SND1: variants seen among roughly 807,000 people sequenced by gnomAD.
SND1 encodes the protein staphylococcal nuclease domain-containing protein 1.
In SND1, 38 loss-of-function variants were observed where a neutral mutation model predicts 121.7. The observed-to-expected ratio is 0.31, with a 90% CI of 0.24 to 0.41. The LOEUF is 0.41. Among genes scored for constraint, SND1 ranks in the 10% least tolerant of loss-of-function variants. The pLI is 1.00. For missense variants in SND1, 868 were observed against 1,184.6 expected, an observed-to-expected ratio of 0.73 and a Z score of 3.92; for synonymous variants, 401 against 447.4, an observed-to-expected ratio of 0.90 and a Z score of 1.31.
At position 128,029,634 on chromosome 7, in the gene SND1, C is replaced by T. The variant is rs146038152; in HGVS notation, c.1779+38578C>T. ...GTCCACCTCCACGAGGTAGCGGCCT[C>T]GCATGTGCATGGGAGCATGACAGCG... On this transcript the variant is annotated intron_variant, in intron 16 of 23. Coordinates refer to ENST00000354725, the MANE Select transcript of SND1 (RefSeq NM_014390.4). The surrounding 1 kb of genome is among the most constrained non-coding windows in gnomAD (Gnocchi z 4.2). The T allele has an allele frequency of 7.4e-6, 12 of 1,613,850 alleles. No homozygotes were observed. The highest frequency in any genetic ancestry group is 2.2e-5 in the East Asian group (1 of 44,890).
chr7:127,827,420 T>C (rs1798661836), intron 11 of SND1, among the ~76,000 whole-genome samples: 1 of 152,250 alleles, frequency 6.6e-6, no homozygotes, highest in Non-Finnish European at 1.5e-5. Context: ...ATTATGACTT[T>C]GCAATTTATA....
chr7:127,903,270 C>T (rs952299546), intron 13 of SND1, among the ~76,000 whole-genome samples: 9 of 152,136 alleles, frequency 5.9e-5, no homozygotes, highest in South Asian at 2.1e-4. Context: ...GTGATCTGCC[C>T]GCCTTGGCTT....
chr7:127,921,840 G>A (rs911486468), intron 14 of SND1, among the ~76,000 whole-genome samples: 6 of 152,128 alleles, frequency 3.9e-5, no homozygotes, highest in Admixed American at 2.0e-4. Context: ...AGATTCATAC[G>A]TGTTGTTGCC....
chr7:127,780,036 G>C (rs76312063), intron 10 of SND1, among the ~76,000 whole-genome samples: 3,457 of 152,232 alleles, frequency 0.023, 141 homozygotes, highest in African/African-American at 0.079. Flanking sequence ...TTTGAAGGTA[G>C]GATTCAGGTT....
At chr7:127,692,882 C>T (rs1795946297) in intron 2 of SND1, among the ~76,000 whole-genome samples, 1 of 152,198 alleles carries the variant, frequency 6.6e-6, no homozygotes, top group Non-Finnish European at 1.5e-5. Flanking sequence ...TTCAGCGAGC[C>T]TTAAAAGTTT....
At chr7:127,665,549 T>G (rs1795401707) in intron 1 of SND1, among the ~76,000 whole-genome samples, 1 of 152,138 alleles carries the variant, frequency 6.6e-6, no homozygotes, top group African/African-American at 2.4e-5. Context: ...AATTTCACTA[T>G]TGAAAATGGA....
rs891447489 is a variant in SND1 at position 128,075,662 on chromosome 7, T to A, written c.1968+972T>A. On this transcript the variant is annotated intron_variant, in intron 17 of 23. Transcript: ENST00000354725. ...TTGGGGCAGGCAACCAGCCCCTTGGTGGTAGAGGAGAGTGGAGGTGGAAAG... is the reference window on the plus strand; with the variant it reads ...TTGGGGCAGGCAACCAGCCCCTTGGAGGTAGAGGAGAGTGGAGGTGGAAAG... Among the ~76,000 whole-genome samples, 5 of 152,158 alleles carry A rather than the reference T, an allele frequency of 3.3e-5. No individual in the cohort carries two copies. In the South Asian group the frequency reaches 1.0e-3, roughly 32 times the overall value.
chr7:127,969,864 C>G (rs966300893), intron 15 of SND1, among the ~76,000 whole-genome samples: 2 of 152,186 alleles, frequency 1.3e-5, no homozygotes, highest in African/African-American at 4.8e-5. Flanking sequence ...CTGGATATGC[C>G]CTTTATAATC....
chr7:127,874,456 G>A (rs1799654907), intron 12 of SND1, among the ~76,000 whole-genome samples: 1 of 152,152 alleles, frequency 6.6e-6, no homozygotes, highest in Admixed American at 6.5e-5. Context: ...GTCTAGGACA[G>A]TGGTGGAGTA....
At chr7:127,880,557 A>G (rs1277198892) in intron 12 of SND1, among the ~76,000 whole-genome samples, 1 of 152,148 alleles carries the variant, frequency 6.6e-6, no homozygotes, top group African/African-American at 2.4e-5. Context: ...GTTTACCTTA[A>G]GGAAAATATT....
chr7:127,766,586 C>T (rs6969319), intron 10 of SND1, among the ~76,000 whole-genome samples: 139,826 of 151,702 alleles, frequency 0.92, 64,893 homozygotes, highest in Non-Finnish European at 0.97. Context: ...CCATCCTGGC[C>T]AACGTGGTGA....
At chr7:127,773,006 C>T (rs772307069) in intron 10 of SND1, among the ~76,000 whole-genome samples, 1 of 152,158 alleles carries the variant, frequency 6.6e-6, no homozygotes, top group Non-Finnish European at 1.5e-5. Flanking sequence ...ATTATGCTAA[C>T]CTTATTTGAT....
chr7:127,926,420 GCCTT>G (rs1271086920), intron 14 of SND1, among the ~76,000 whole-genome samples: 3 of 151,906 alleles, frequency 2.0e-5, no homozygotes, highest in African/African-American at 7.3e-5. Context: ...CCTCATCCAA[GCCTT>G]CGAAATACTT....
At chr7:127,728,687 T>C (rs1587624454) in intron 10 of SND1, among the ~76,000 whole-genome samples, 1 of 152,238 alleles carries the variant, frequency 6.6e-6, no homozygotes, top group Non-Finnish European at 1.5e-5. Flanking sequence ...TCATATCCCT[T>C]CTTTCAGAAT....
intron 10 of SND1, among the ~76,000 whole-genome samples, chr7:127,729,421 C>A (rs2116406798): frequency 6.8e-6 from 1 of 147,540 alleles, no homozygotes; most frequent in South Asian, 2.1e-4. Context: ...GCTACCTACA[C>A]TGTGTTTAGA....
At chr7:127,899,780 A>G (rs1358149395) in intron 13 of SND1, among the ~76,000 whole-genome samples, 4 of 152,320 alleles carry the variant, frequency 2.6e-5, no homozygotes, top group South Asian at 2.1e-4. Flanking sequence ...GATATCCCTG[A>G]TGTTATCTTG....
intron 2 of SND1, among the ~76,000 whole-genome samples, chr7:127,694,242 G>A (rs1795970766): frequency 6.6e-6 from 1 of 152,102 alleles, no homozygotes; most frequent in Non-Finnish European, 1.5e-5. Context: ...CTTGAGCAGG[G>A]GATTCACTCT....
rs372284339 is a variant in SND1, at chr7:127,664,179, C to T, written c.78+11728C>T. ...TTTGTAGAGGCGGGGTCTCTCTGTG[C>T]TACCCAGGCTGGTCTTGAACTCCTG... On this transcript the variant is annotated intron_variant, in intron 1 of 23. Coordinates refer to ENST00000354725, the MANE Select transcript of SND1 (RefSeq NM_014390.4). Among the ~76,000 whole-genome samples, 37 of 152,134 alleles carry T rather than the reference C, an allele frequency of 2.4e-4. No homozygotes were observed. In the East Asian group the frequency reaches 6.6e-3, roughly 27 times the overall value.
At chr7:127,821,227 G>A (rs1156641627) in intron 11 of SND1, among the ~76,000 whole-genome samples, 1 of 152,182 alleles carries the variant, frequency 6.6e-6, no homozygotes, top group East Asian at 1.9e-4. Flanking sequence ...CTAGTTGATG[G>A]GCCAGTGTAT....
Sources: allele counts gnomAD v4.1 joint callset (sites outside exome capture counted in the v4.1 genomes callset), GRCh38; gene constraint gnomAD v4.1.1; non-coding constraint Gnocchi (gnomAD v3.1); transcripts MANE v1.5; gene names NCBI Gene and HGNC (gene_info 2026-07-23, HGNC 2026-07-21).